Variants in CENPL observed in about 807,000 individuals in gnomAD.
CENPL encodes the protein centromere protein L.
CENPL carries 20 observed loss-of-function variants against 35.2 expected under a neutral mutation model. That is an observed-to-expected ratio of 0.57 (90% CI 0.40 to 0.83). The LOEUF (loss-of-function observed/expected upper bound fraction) is 0.83, where lower values mean the gene tolerates loss of function less well. Ranked by LOEUF, CENPL falls within the 40% of genes least tolerant of loss-of-function variation. The pLI, the probability that CENPL is intolerant of heterozygous loss-of-function variation, is 0.00. For synonymous variants in CENPL, 140 were observed against 140.6 expected (o/e 1.00, Z 0.03); for missense variants, 363 against 395.8 (o/e 0.92, Z 0.70).
At chr1:173,818,060 G>A (rs1293395550) in intron 2 of CENPL, among the ~76,000 whole-genome samples, 1 of 152,060 alleles carries the variant, frequency 6.6e-6, no homozygotes, top group East Asian at 1.9e-4. Context: ...TGTAAATGAT[G>A]AGTTGATGGC....
Position 173,811,921 on chromosome 1 carries a change from C to T in CENPL, c.-7-615G>A, listed in dbSNP as rs540303218. Among the ~76,000 whole-genome samples, 5 of 152,340 alleles carry T rather than the reference C, an allele frequency of 3.3e-5. No individual in the cohort carries two copies. In the South Asian group the frequency reaches 1.0e-3, roughly 32 times the overall value. On this transcript the variant is annotated intron_variant, in intron 2 of 5. Transcript: ENST00000682279. ...ATTTCCCTTTCCTAGCCAAGGGAAG[C>T]CATGACAGACTGTACCTGGGAAAAT...
Position 173,809,800 on chromosome 1 carries a change from A to G in CENPL, c.168+1332T>C, listed in dbSNP as rs536660662. ...CATCAGTCAGAATGGCTATTATTAC[A>G]AAGTAAAAAAACAACAGATGCTGGT... is the stretch of plus-strand genomic sequence containing the variant. On this transcript the variant is annotated intron_variant, in intron 3 of 5. Coordinates refer to ENST00000682279, the MANE Select transcript of CENPL (RefSeq NM_001387287.1). Among the ~76,000 whole-genome samples the G allele has an allele frequency of 6.6e-5, 10 of 152,326 alleles. No individual in the cohort carries two copies. The East Asian group carries it at 1.5e-3, about 23-fold the overall frequency.
rs1212463114 is a variant in CENPL at position 173,823,945 on chromosome 1, C to T, written c.-27G>A. On this transcript the variant is annotated 5_prime_UTR_variant, in exon 2 of 6. Transcript: ENST00000682279. The stretch of plus-strand genomic sequence containing the variant: ...CTTTACCAATAAAATGCCGTGATGA[C>T]GCTGTCACCCATTCCGGATTCACGA... The T allele has an allele frequency of 1.3e-5, 2 of 151,850 alleles. No individual in the cohort carries two copies. Among genetic ancestry groups the T allele is most frequent in the African/African-American group, 4.8e-5 (2 of 41,346 alleles). The allele number at this position is 151,850 out of a possible 1,614,324, so 9.4% of individuals were successfully genotyped here. A position where few individuals can be genotyped will look rare whatever the true frequency, so the allele number is the denominator to read the frequency against.
rs192010083 is a variant in CENPL, at chr1:173,809,823, G to A, written c.168+1309C>T. On this transcript the variant is annotated intron_variant, in intron 3 of 5. Transcript: ENST00000682279. Reference sequence around the variant, plus strand: ...ACAAAGTAAAAAAACAACAGATGCTGGTGAGGTTGTGGAGAAAAATAAAAA... The same window carrying A: ...ACAAAGTAAAAAAACAACAGATGCTAGTGAGGTTGTGGAGAAAAATAAAAA... Among the ~76,000 whole-genome samples, 126 of 152,204 alleles carry A rather than the reference G, an allele frequency of 8.3e-4. 3 individuals carry two copies. Among genetic ancestry groups the A allele is most frequent in the Admixed American group, 2.0e-3 (30 of 15,290 alleles).
chr1:173,807,422 T>C lies in CENPL; in HGVS notation c.265A>G (p.Lys89Glu). Reference protein sequence around the residue: ...PLYKFSYSNLKEYSRLLNAFI... With the variant: ...PLYKFSYSNLEEYSRLLNAFI... ...GCATTGAGAAGTCTAGAATACTCTT[T>C]GAGATTACTATAGGAGAATTTATAT... The change falls in exon 4 of 6, where the codon AAA (lysine) becomes GAA (glutamate). Residue 89 changes from lysine (K) to glutamate (E), a missense_variant. By Grantham distance (56) the Lys-to-Glu change is moderately conservative. Transcript: ENST00000682279. The C allele has an allele frequency of 6.2e-7, 1 of 1,612,252 alleles. No homozygotes were observed. The highest frequency in any genetic ancestry group is 8.5e-7 in the Non-Finnish European group (1 of 1,178,728).
chr1:173,801,117 G>A (rs1042533474), intron 5 of CENPL, among the ~76,000 whole-genome samples: 2 of 152,000 alleles, frequency 1.3e-5, no homozygotes, highest in Non-Finnish European at 2.9e-5. Flanking sequence ...TTGGATCTAC[G>A]AGGTAAGAGT....
rs1014802200 is a variant in CENPL, at chr1:173,802,526, A to C, written c.963+437T>G. 3.3e-5 allele frequency among the ~76,000 whole-genome samples: 5 copies of C among 152,312 alleles called. No homozygotes were observed. In the East Asian group the frequency reaches 7.7e-4, roughly 24 times the overall value. Reference sequence around the variant, plus strand: ...TGGCCTATTTCTGATACTTCTTATCAGAAATCACTCTGTAGAGAATAAAAC... The same window carrying C: ...TGGCCTATTTCTGATACTTCTTATCCGAAATCACTCTGTAGAGAATAAAAC... On this transcript the variant is annotated intron_variant, in intron 5 of 5. Transcript: ENST00000682279.
intron 2 of CENPL, among the ~76,000 whole-genome samples, chr1:173,818,022 G>A (rs1246045326): frequency 6.6e-6 from 1 of 152,080 alleles, no homozygotes; most frequent in Non-Finnish European, 1.5e-5. Flanking sequence ...GTGGCTGGGG[G>A]AGGGATAGCA....
intron 2 of CENPL, among the ~76,000 whole-genome samples, chr1:173,813,020 T>A (rs945671294): frequency 6.6e-6 from 1 of 152,132 alleles, no homozygotes; most frequent in African/African-American, 2.4e-5. Flanking sequence ...AAGAACTTCA[T>A]GATGCATGCA....
intron 4 of CENPL, 26 bp from the exon 5 acceptor site, chr1:173,803,531 T>C (rs200129303): frequency 3.8e-5 from 58 of 1,519,094 alleles, no homozygotes; most frequent in Non-Finnish European, 5.1e-5. Context: ...ACAGGCTCCT[T>C]AAATTCAAAA....
intron 4 of CENPL, chr1:173,806,562 T>C (rs1322026784): frequency 3.0e-6 from 1 of 328,580 alleles, no homozygotes. Flanking sequence ...CCAGCCTGGG[T>C]GACAAAATGA....
At position 173,803,220 on chromosome 1, in the gene CENPL, T is replaced by C. The variant is rs775277356; in HGVS notation, c.706A>G (p.Thr236Ala). Residue 236 changes from threonine to alanine, a missense_variant, in exon 5 of 6, where the codon ACT becomes GCT. Thr to Ala is a moderately conservative substitution (Grantham distance 58). Transcript: ENST00000682279. Reference sequence around the variant, plus strand: ...GGTACAGACCAAAGAAATTCAGTAGTAGCCACATAATGGTCCATTTTGCAT... The same window carrying C: ...GGTACAGACCAAAGAAATTCAGTAGCAGCCACATAATGGTCCATTTTGCAT... ...TACKMDHYVATTEFLWSVPCS... is the reference protein window; with the variant it reads ...TACKMDHYVAATEFLWSVPCS... The C allele has an allele frequency of 1.2e-6, 2 of 1,613,804 alleles. No homozygotes were observed.
intron 2 of CENPL, among the ~76,000 whole-genome samples, chr1:173,812,194 C>T (rs1483200872): frequency 6.6e-6 from 1 of 152,274 alleles, no homozygotes; most frequent in African/African-American, 2.4e-5. Context: ...CCCACCACAG[C>T]TCAGCAAGGC....
At chr1:173,823,539 TCA>T (rs1177099682) in intron 2 of CENPL, 1 of 152,218 alleles carries the variant, frequency 6.6e-6, no homozygotes, top group African/African-American at 2.4e-5. Context: ...GCCTTTTTAT[TCA>T]CCTTATCGCC....
chr1:173,814,071 A>G (rs1417673272), intron 2 of CENPL, among the ~76,000 whole-genome samples: 1 of 152,178 alleles, frequency 6.6e-6, no homozygotes, highest in African/African-American at 2.4e-5. Flanking sequence ...AGATCAAAAG[A>G]GATAAGGAAG....
At chr1:173,821,656 T>C (rs1489475628) in intron 2 of CENPL, among the ~76,000 whole-genome samples, 1 of 152,164 alleles carries the variant, frequency 6.6e-6, no homozygotes, top group Non-Finnish European at 1.5e-5. Flanking sequence ...CAAGAATGTG[T>C]AATTTTTGCC....
chr1:173,813,984 C>G (rs1035528148), intron 2 of CENPL, among the ~76,000 whole-genome samples: 1 of 152,062 alleles, frequency 6.6e-6, no homozygotes, highest in Non-Finnish European at 1.5e-5. Context: ...AGAGGAAGAT[C>G]TACCAAGCAA....
At chr1:173,817,344 G>A (rs1185406198) in intron 2 of CENPL, among the ~76,000 whole-genome samples, 3 of 152,148 alleles carry the variant, frequency 2.0e-5, no homozygotes, top group Admixed American at 2.0e-4. Flanking sequence ...AGTGGGCAAA[G>A]GATATGAACA....
At chr1:173,815,497 T>C (rs1305129860) in intron 2 of CENPL, among the ~76,000 whole-genome samples, 4 of 152,266 alleles carry the variant, frequency 2.6e-5, no homozygotes, top group Admixed American at 2.0e-4. Flanking sequence ...CATGACCAAG[T>C]CAGCTTCGTT....
Sources: allele counts gnomAD v4.1 joint callset (sites outside exome capture counted in the v4.1 genomes callset), GRCh38; gene constraint gnomAD v4.1.1; transcripts MANE v1.5; gene names NCBI Gene and HGNC (gene_info 2026-07-23, HGNC 2026-07-21).